TMPRSS9: variants seen among roughly 807,000 people sequenced by gnomAD.
TMPRSS9 encodes transmembrane protease serine 9.
TMPRSS9 carries 113 observed loss-of-function variants against 111.4 expected under a neutral mutation model. The observed-to-expected ratio is 1.01, with a 90% CI of 0.87 to 1.19. The LOEUF (loss-of-function observed/expected upper bound fraction) is 1.19, where lower values mean the gene tolerates loss of function less well. Ranked by LOEUF, TMPRSS9 falls within the 50% of genes most tolerant of loss-of-function variation. The pLI is 0.00. For synonymous variants in TMPRSS9, 805 were observed against 659.1 expected (o/e 1.22, Z -3.39); for missense variants, 1,803 against 1,513.1 (o/e 1.19, Z -3.18).
intron 7 of TMPRSS9, among the ~76,000 whole-genome samples, chr19:2,407,984 A>G (rs1358446999): frequency 1.3e-5 from 2 of 151,904 alleles, no homozygotes; most frequent in Non-Finnish European, 2.9e-5. Context: ...GGGTTTCACC[A>G]TCTTGGCCAG....
At chr19:2,395,537 G>A (rs1970687572) in intron 1 of TMPRSS9, among the ~76,000 whole-genome samples, 1 of 152,116 alleles carries the variant, frequency 6.6e-6, no homozygotes, top group Non-Finnish European at 1.5e-5. Context: ...GACCAGCCTG[G>A]CCAACATGGA....
At position 2,413,644 on chromosome 19, in the gene TMPRSS9, T is replaced by G. The variant is rs1342304187; in HGVS notation, c.1255-56T>G. The stretch of plus-strand genomic sequence containing the variant: ...AGCTCCTTCTTGGGCCTCGTAGCAC[T>G]GGTGTCTGGACTGGCTGCTGCCGAC... On this transcript the variant is annotated intron_variant, in intron 9 of 17. Coordinates refer to ENST00000648592, the Ensembl canonical transcript of TMPRSS9. The G allele has an allele frequency of 5.8e-6, 9 of 1,546,676 alleles. No homozygotes were observed. In the South Asian group the frequency reaches 9.5e-5, roughly 16 times the overall value.
exon 1 of TMPRSS9, chr19:2,389,911 C>G: frequency 1.9e-6 from 3 of 1,609,846 alleles, no homozygotes; most frequent in South Asian, 2.2e-5. Flanking sequence ...TCGTCCTCAC[C>G]CTGGGAGTCC....
At chr19:2,399,762 G>T (rs1970790870) in intron 4 of TMPRSS9, among the ~76,000 whole-genome samples, 2 of 152,070 alleles carry the variant, frequency 1.3e-5, no homozygotes, top group East Asian at 3.9e-4. Flanking sequence ...CTGTTGCCCA[G>T]TCTGGAGTGC....
intron 9 of TMPRSS9, among the ~76,000 whole-genome samples, chr19:2,410,742 C>T (rs1971078125): frequency 6.6e-6 from 1 of 152,098 alleles, no homozygotes. Context: ...TGAGTAATCT[C>T]CCTGGCTATG....
At chr19:2,393,509 G>A (rs193255583) in intron 1 of TMPRSS9, among the ~76,000 whole-genome samples, 1 of 152,266 alleles carries the variant, frequency 6.6e-6, no homozygotes, top group Admixed American at 6.6e-5. Context: ...CTCAGCGTGA[G>A]GATCCGCAGC....
intron 1 of TMPRSS9, among the ~76,000 whole-genome samples, chr19:2,393,167 C>T (rs561318719): frequency 6.6e-6 from 1 of 152,100 alleles, no homozygotes; most frequent in African/African-American, 2.4e-5. Flanking sequence ...GGCTTGGGGA[C>T]CTTTTCACAG....
At chr19:2,384,313 G>T (rs961861455) in intron 1 of TMPRSS9, among the ~76,000 whole-genome samples, 6 of 152,200 alleles carry the variant, frequency 3.9e-5, no homozygotes, top group African/African-American at 1.4e-4. Context: ...AGAGAAAGGC[G>T]TCCCTGCAGA....
upstream of TMPRSS9, among the ~76,000 whole-genome samples, chr19:2,388,369 G>A (rs1322646981): frequency 1.3e-5 from 2 of 152,112 alleles, no homozygotes; most frequent in African/African-American, 4.8e-5. Context: ...CTGGGCAACA[G>A]AGAAAGACCC....
chr19:2,381,969 A>G (rs1346470942), intron 1 of TMPRSS9, among the ~76,000 whole-genome samples: 3 of 152,132 alleles, frequency 2.0e-5, no homozygotes, highest in Non-Finnish European at 2.9e-5. Flanking sequence ...TAGGCTCCCA[A>G]ATAGCTGGGA....
At chr19:2,391,787 G>A (rs1331300908) in intron 1 of TMPRSS9, among the ~76,000 whole-genome samples, 1 of 148,764 alleles carries the variant, frequency 6.7e-6, no homozygotes, top group African/African-American at 2.5e-5. Flanking sequence ...TCCCAGGCGC[G>A]ACAGAGTGCA....
intron 4 of TMPRSS9, among the ~76,000 whole-genome samples, chr19:2,400,437 G>A (rs1197822131): frequency 1.3e-5 from 2 of 152,112 alleles, no homozygotes; most frequent in African/African-American, 4.8e-5. Flanking sequence ...AGCTGCTCAG[G>A]AGGCTGAGGC....
At chr19:2,376,667 C>G (rs1970337259) in intron 1 of TMPRSS9, among the ~76,000 whole-genome samples, 1 of 152,078 alleles carries the variant, frequency 6.6e-6, no homozygotes, top group East Asian at 1.9e-4. Flanking sequence ...ACCATGTTGG[C>G]CAGGCTGATC....
rs765943531 is a variant in TMPRSS9 at position 2,408,492 on chromosome 19, G to A, written c.979G>A (p.Val327Met). 3.1e-6 allele frequency: 5 copies of A among 1,613,892 alleles called. No individual in the cohort carries two copies. Among genetic ancestry groups the A allele is most frequent in the East Asian group, 2.2e-5 (1 of 44,866 alleles). ...CAACGCGGACACGGCCGACTTTGACGTGGCTGTGCTGGAGCTGACCAGCCC... is the reference window on the plus strand; with the variant it reads ...CAACGCGGACACGGCCGACTTTGACATGGCTGTGCTGGAGCTGACCAGCCC... The change falls in exon 8 of 18, where the codon GTG (valine) becomes ATG (methionine). Residue 327 changes from valine (V) to methionine (M), a missense_variant. By Grantham distance (21) the Val-to-Met change is conservative. Transcript: ENST00000648592.
exon 10 of TMPRSS9, chr19:2,413,701 G>A (rs139252219): frequency 5.0e-6 from 8 of 1,600,354 alleles, no homozygotes; most frequent in Non-Finnish European, 6.8e-6. Context: ...GTTTCCTAGG[G>A]TGACTCAGGA....
chr19:2,420,334 C>G (rs1244705785), intron 13 of TMPRSS9, among the ~76,000 whole-genome samples: 3 of 151,438 alleles, frequency 2.0e-5, no homozygotes, highest in Admixed American at 6.6e-5. Context: ...TCTAGCTACT[C>G]CGGAGGCTGA....
exon 1 of TMPRSS9, chr19:2,389,786 A>C: frequency 6.2e-7 from 1 of 1,612,416 alleles, no homozygotes; most frequent in Non-Finnish European, 8.5e-7. Context: ...TCTCTGAGCC[A>C]TGGAGCCCAC....
chr19:2,401,934 CG>C, intron 4 of TMPRSS9, 40 bp from the exon 6 acceptor site: 1 of 1,585,828 alleles, frequency 6.3e-7, no homozygotes. Flanking sequence ...AGGGTTTTAC[CG>C]CTTATTCAGT....
chr19:2,405,381 C>T (rs1421852967), exon 7 of TMPRSS9: 4 of 1,598,612 alleles, frequency 2.5e-6, no homozygotes, highest in Non-Finnish European at 1.7e-6. Flanking sequence ...CAGAGTGTGG[C>T]TTGCAGCCTG....
Sources: allele counts gnomAD v4.1 joint callset (sites outside exome capture counted in the v4.1 genomes callset), GRCh38; gene constraint gnomAD v4.1.1; transcripts MANE v1.5; gene names NCBI Gene and HGNC (gene_info 2026-07-23, HGNC 2026-07-21).